NOL4L: variants seen among roughly 807,000 people sequenced by gnomAD.
NOL4L encodes the protein nucleolar protein 4-like.
In NOL4L, 7 loss-of-function variants were observed where a neutral mutation model predicts 64.5. That is an observed-to-expected ratio of 0.11 (90% CI 0.06 to 0.20). The LOEUF (loss-of-function observed/expected upper bound fraction) is 0.20. Ranked by LOEUF, NOL4L falls within the 10% of genes least tolerant of loss-of-function variation. The pLI, the probability that NOL4L is intolerant of heterozygous loss-of-function variation, is 1.00. For synonymous variants in NOL4L, 413 were observed against 401.0 expected, an observed-to-expected ratio of 1.03 and a Z score of -0.36; for missense variants, 680 against 967.1, an observed-to-expected ratio of 0.70 and a Z score of 3.94.
At chr20:32,497,588 C>T (rs1429942099) in intron 4 of NOL4L, among the ~76,000 whole-genome samples, 1 of 152,170 alleles carries the variant, frequency 6.6e-6, no homozygotes, top group Admixed American at 6.5e-5. Context: ...AGTTGCAAAA[C>T]GGAACGGGAC....
At chr20:32,473,176 T>A (rs2015141678) in intron 5 of NOL4L, among the ~76,000 whole-genome samples, 1 of 152,234 alleles carries the variant, frequency 6.6e-6, no homozygotes, top group Admixed American at 6.5e-5. Context: ...TCAGCCCCAC[T>A]GCTCTGGGTT....
At position 32,447,456 on chromosome 20, in the gene NOL4L, G is replaced by A. The variant is rs887823645; in HGVS notation, c.*140C>T. The A allele has an allele frequency of 2.0e-6, 2 of 982,926 alleles. No homozygotes were observed. Among genetic ancestry groups the A allele is most frequent in the Non-Finnish European group, 2.9e-6 (2 of 684,982 alleles). The allele number at this position is 982,926 out of a possible 1,614,324, so 60.9% of individuals were successfully genotyped here. On this transcript the variant is annotated 3_prime_UTR_variant, in exon 11 of 11. Coordinates refer to ENST00000621426, the MANE Select transcript of NOL4L (RefSeq NM_001256798.2). ...TGTCCTTGTGCCCAAAGTCTCAGGT[G>A]CTTGGAGTGTGGCTAGAAACAGCTC...
In NOL4L at chr20:32,453,084, T is replaced by G; in HGVS notation, c.1498-78A>C. The stretch of plus-strand genomic sequence containing the variant: ...TTGTGCAGAGACCCTGCCCCAGGGG[T>G]GGGTGGCACAGGGTGGGGTTTGGGC... On this transcript the variant is annotated intron_variant, in intron 8 of 10. Transcript: ENST00000621426. This position sits in a 1 kb window ranked among gnomAD's most constrained non-coding sequence, Gnocchi z 5.6. The G allele has an allele frequency of 6.3e-7, 1 of 1,583,188 alleles. No homozygotes were observed. Among genetic ancestry groups the G allele is most frequent in the South Asian group, 1.1e-5 (1 of 89,814 alleles).
chr20:32,568,696 G>A (rs750960724), intron 1 of NOL4L, among the ~76,000 whole-genome samples: 3 of 152,138 alleles, frequency 2.0e-5, no homozygotes, highest in Non-Finnish European at 4.4e-5. Flanking sequence ...GCCCCTGCCC[G>A]ACCTGGGCTT....
intron 1 of NOL4L, among the ~76,000 whole-genome samples, chr20:32,541,291 G>A (rs1222997728): frequency 1.3e-5 from 2 of 152,212 alleles, no homozygotes; most frequent in Non-Finnish European, 2.9e-5. Context: ...CATGGCTACT[G>A]AGGACAGAGT....
chr20:32,493,410 G>C (rs764070271), intron 4 of NOL4L, among the ~76,000 whole-genome samples: 1 of 152,168 alleles, frequency 6.6e-6, no homozygotes, highest in Non-Finnish European at 1.5e-5. Flanking sequence ...GCTGAATCTA[G>C]TGTGTGGGGT....
intron 1 of NOL4L, among the ~76,000 whole-genome samples, chr20:32,568,834 T>G (rs1428289270): frequency 6.6e-6 from 1 of 152,088 alleles, no homozygotes; most frequent in African/African-American, 2.4e-5. Context: ...GCTTGTTGGG[T>G]AGGTCGGACC....
In NOL4L at chr20:32,460,355, G is replaced by C. The variant is rs6058704; in HGVS notation, c.842-3960C>G. 6.6e-6 allele frequency among the ~76,000 whole-genome samples: 1 copy of C among 152,154 alleles called. No homozygotes were observed. Among genetic ancestry groups the C allele is most frequent in the Non-Finnish European group, 1.5e-5 (1 of 68,030 alleles). On this transcript the variant is annotated intron_variant, in intron 5 of 10. Transcript: ENST00000621426. This position sits in a 1 kb window ranked among gnomAD's most constrained non-coding sequence, Gnocchi z 5.7. ...AGCCTGCCTTCCCCAGTGACACCAA[G>C]GTCTCGCCTACCCCCAGCTCCGCTC...
intron 5 of NOL4L, among the ~76,000 whole-genome samples, chr20:32,465,599 G>T (rs2014474976): frequency 3.3e-5 from 5 of 152,198 alleles, no homozygotes; most frequent in Admixed American, 3.3e-4. Context: ...ATCGAGCCGA[G>T]ACACACAGCC....
At chr20:32,509,829 G>T in intron 4 of NOL4L, 2 of 1,304,018 alleles carry the variant, frequency 1.5e-6, no homozygotes, top group Non-Finnish European at 2.0e-6. Flanking sequence ...ACAAAACCAG[G>T]GGGCTGTGCT....
chr20:32,445,784 C>T lies in NOL4L; in HGVS notation c.*1812G>A, dbSNP rs1427282634. ...TTGAGAGATAACGACCACCCCCAAC[C>T]TCTAGGGGCCGGAAGTAAGCACGGG... On this transcript the variant is annotated 3_prime_UTR_variant, in exon 11 of 11. Coordinates refer to ENST00000621426, the MANE Select transcript of NOL4L (RefSeq NM_001256798.2). The T allele has an allele frequency of 6.6e-6, 1 of 152,288 alleles. No homozygotes were observed. Among genetic ancestry groups the T allele is most frequent in the African/African-American group, 2.4e-5 (1 of 41,442 alleles). The allele number at this position is 152,288 out of a possible 1,614,324, so 9.4% of individuals were successfully genotyped here. A position where few individuals can be genotyped will look rare whatever the true frequency, so the allele number is the denominator to read the frequency against.
At chr20:32,469,976 C>T (rs1020670181) in intron 5 of NOL4L, among the ~76,000 whole-genome samples, 1 of 152,250 alleles carries the variant, frequency 6.6e-6, no homozygotes, top group African/African-American at 2.4e-5. Context: ...GCCCGTGTGT[C>T]CCGAGGCCCA....
intron 5 of NOL4L, among the ~76,000 whole-genome samples, chr20:32,468,938 A>AAAG (rs2014792420): frequency 2.6e-5 from 4 of 151,514 alleles, no homozygotes; most frequent in Non-Finnish European, 5.9e-5. Context: ...AGAAAGAAAG[A>AAAG]AAAACAGGGA....
intron 5 of NOL4L, among the ~76,000 whole-genome samples, chr20:32,469,380 CTTTTTTTTA>C (rs1311245454): frequency 6.9e-6 from 1 of 145,408 alleles, no homozygotes; most frequent in Non-Finnish European, 1.5e-5. Flanking sequence ...TCTTTTTTTT[CTTTTTTTTA>C]GATGGAGTTT....
chr20:32,555,763 G>A (rs1479372473), intron 1 of NOL4L, among the ~76,000 whole-genome samples: 1 of 152,124 alleles, frequency 6.6e-6, no homozygotes, highest in Non-Finnish European at 1.5e-5. Context: ...GCCAAGAAGA[G>A]AAGCCCCAGA....
In NOL4L at chr20:32,452,395, C is replaced by T. The variant is rs772520747; in HGVS notation, c.1663G>A (p.Ala555Thr). 41 of 1,610,178 alleles carry T rather than the reference C, an allele frequency of 2.5e-5. No individual in the cohort carries two copies. Among genetic ancestry groups the T allele is most frequent in the South Asian group, 1.4e-4 (13 of 90,564 alleles). The change falls in exon 10 of 11, where the codon GCA (alanine) becomes ACA (threonine). Residue 555 changes from alanine to threonine, a missense_variant. Ala to Thr is a moderately conservative substitution (Grantham distance 58). This residue lies in a region of NOL4L where 175 missense variants were observed against 227.0 expected (regional missense o/e 0.77). Coordinates refer to ENST00000621426, the MANE Select transcript of NOL4L (RefSeq NM_001256798.2). Reference sequence around the variant, plus strand: ...GAGTAGGTGGAGTGGGTGATGGCTGCGGAGTCCCGCGAGTGCTGCTTGTCC... The same window carrying T: ...GAGTAGGTGGAGTGGGTGATGGCTGTGGAGTCCCGCGAGTGCTGCTTGTCC... ...ALDKQHSRDS[A>T]AITHSTYSLP... is the part of the protein sequence containing the mutation.
rs1030300809 is a variant in NOL4L at position 32,464,064 on chromosome 20, G to A, written c.842-7669C>T. ...AATAATTCACACACAACAGGGCGAC[G>A]GGGGAGGAGGGGGTGGGAGACTGCT... On this transcript the variant is annotated intron_variant, in intron 5 of 10. Coordinates refer to ENST00000621426, the MANE Select transcript of NOL4L (RefSeq NM_001256798.2). This position sits in a 1 kb window ranked among gnomAD's most constrained non-coding sequence, Gnocchi z 5.6. 3.3e-5 allele frequency among the ~76,000 whole-genome samples: 5 copies of A among 152,132 alleles called. No individual in the cohort carries two copies. Among genetic ancestry groups the A allele is most frequent in the Admixed American group, 6.5e-5 (1 of 15,274 alleles).
intron 1 of NOL4L, among the ~76,000 whole-genome samples, chr20:32,531,035 A>G (rs1472875127): frequency 1.3e-5 from 2 of 152,242 alleles, no homozygotes; most frequent in East Asian, 3.8e-4. Flanking sequence ...GGGTAGTTCC[A>G]CTGAATTTTT....
At position 32,528,759 on chromosome 20, in the gene NOL4L, C is replaced by T. The variant is rs1477265991; in HGVS notation, c.322-846G>A. Reference sequence around the variant, plus strand: ...GGAACGGACTGCTGGGGAACTGCTCCGTGCAGGCAGTCCTCACAAGGGAGA... The same window carrying T: ...GGAACGGACTGCTGGGGAACTGCTCTGTGCAGGCAGTCCTCACAAGGGAGA... On this transcript the variant is annotated intron_variant, in intron 1 of 10. Coordinates refer to ENST00000621426, the MANE Select transcript of NOL4L (RefSeq NM_001256798.2). Among the ~76,000 whole-genome samples, 17 of 152,332 alleles carry T rather than the reference C, an allele frequency of 1.1e-4. No individual in the cohort carries two copies. The East Asian group carries it at 3.1e-3, about 28-fold the overall frequency.
Sources: allele counts gnomAD v4.1 joint callset (sites outside exome capture counted in the v4.1 genomes callset), GRCh38; gene constraint gnomAD v4.1.1; regional missense constraint gnomAD v4.1.1; non-coding constraint Gnocchi (gnomAD v3.1); transcripts MANE v1.5; gene names NCBI Gene and HGNC (gene_info 2026-07-23, HGNC 2026-07-21).